The following ARID2 variants were observed in gnomAD, a reference collection of about 807,000 sequenced individuals.
ARID2 encodes the protein AT-rich interactive domain-containing protein 2.
In ARID2, 32 loss-of-function variants were observed where a neutral mutation model predicts 184.6. The observed-to-expected ratio is 0.17, with a 90% CI of 0.13 to 0.23. The LOEUF (loss-of-function observed/expected upper bound fraction) is 0.23, where lower values mean the gene tolerates loss of function less well. Among genes scored for constraint, ARID2 ranks in the 10% least tolerant of loss-of-function variants. The pLI is 1.00. For synonymous variants in ARID2, 836 were observed against 772.6 expected (o/e 1.08, Z -1.36); for missense variants, 1,696 against 2,197.6 (o/e 0.77, Z 4.56).
intron 3 of ARID2, among the ~76,000 whole-genome samples, chr12:45,758,145 T>G (rs1011179906): frequency 6.6e-6 from 1 of 152,184 alleles, no homozygotes; most frequent in Non-Finnish European, 1.5e-5. Context: ...ACTTTTTTCT[T>G]GAGAAAAATG....
At chr12:45,845,251 A>G (rs563827244) in intron 11 of ARID2, among the ~76,000 whole-genome samples, 2 of 152,292 alleles carry the variant, frequency 1.3e-5, no homozygotes, top group African/African-American at 2.4e-5. Context: ...TAGAGATGAT[A>G]AAGGGAGGAA....
intron 3 of ARID2, among the ~76,000 whole-genome samples, chr12:45,790,694 A>G (rs529620316): frequency 1.3e-5 from 2 of 152,332 alleles, no homozygotes; most frequent in Admixed American, 1.3e-4. Flanking sequence ...TACATGCGGA[A>G]TGCTACTGTT....
At chr12:45,904,880 AG>A in intron 20 of ARID2, 53 bp from the exon 21 acceptor site, 1 of 1,589,370 alleles carries the variant, frequency 6.3e-7, no homozygotes, top group Non-Finnish European at 8.6e-7. Flanking sequence ...TTCATGATAA[AG>A]AGTCATCGCT....
Position 45,852,042 on chromosome 12 carries a change from T to C in ARID2, c.3919T>C (p.Ser1307Pro). Residue 1307 changes from serine to proline, a missense_variant, in exon 15 of 21, where the codon TCA (serine) becomes CCA (proline). By Grantham distance (74) the Ser-to-Pro change is moderately conservative. Around this residue, in one of 11 missense-constraint regions of ARID2, gnomAD observed 428 missense variants for 409.1 expected, o/e 1.05. Coordinates refer to ENST00000334344, the MANE Select transcript of ARID2 (RefSeq NM_152641.4). Reference sequence around the variant, plus strand: ...GTACAGTGACTCAAGTCTACCTCCTTCAAACTCAGGGAAAATTCAAAGTGA... The same window carrying C: ...GTACAGTGACTCAAGTCTACCTCCTCCAAACTCAGGGAAAATTCAAAGTGA... ...RKYSDSSLPP[S>P]NSGKIQSETN... The C allele has an allele frequency of 6.2e-7, 1 of 1,614,088 alleles. No individual in the cohort carries two copies. The highest frequency in any genetic ancestry group is 8.5e-7 in the Non-Finnish European group (1 of 1,179,996).
rs1348928377 is a variant in ARID2 at position 45,731,272 on chromosome 12, G to A, written c.242G>A (p.Ser81Asn). The A allele has an allele frequency of 1.2e-6, 2 of 1,613,966 alleles. No individual in the cohort carries two copies. The highest frequency in any genetic ancestry group is 2.7e-5 in the African/African-American group (2 of 74,926). ...EIVEEFNFPR[S>N]CSNAAFALKQ... ...GTTGAAGAGTTCAACTTTCCCAGAA[G>A]TTGTTCTAACGCTGCCTTTGCTTTA... The change falls in exon 3 of 21, where the codon AGT becomes AAT. Residue 81 changes from serine (S) to asparagine (N), a missense_variant. By Grantham distance (46) the Ser-to-Asn change is conservative. Coordinates refer to ENST00000334344, the MANE Select transcript of ARID2 (RefSeq NM_152641.4).
intron 10 of ARID2, among the ~76,000 whole-genome samples, chr12:45,838,040 T>C (rs1943253129): frequency 6.6e-6 from 1 of 152,240 alleles, no homozygotes; most frequent in African/African-American, 2.4e-5. Flanking sequence ...CTATCAGTAA[T>C]TCCTATTTCT....
chr12:45,893,202 A>C (rs1458581269), intron 18 of ARID2, among the ~76,000 whole-genome samples: 1 of 152,238 alleles, frequency 6.6e-6, no homozygotes, highest in Non-Finnish European at 1.5e-5. Context: ...ATAGATTGGA[A>C]AATAAAAGAC....
At chr12:45,778,720 T>C (rs1430601802) in intron 3 of ARID2, among the ~76,000 whole-genome samples, 7 of 151,992 alleles carry the variant, frequency 4.6e-5, no homozygotes, top group Non-Finnish European at 7.4e-5. Flanking sequence ...TACATATTAA[T>C]TATACTTCAA....
chr12:45,811,302 T>C, intron 3 of ARID2, 116 bp from the exon 4 acceptor site: 1 of 1,154,644 alleles, frequency 8.7e-7, no homozygotes, highest in Non-Finnish European at 1.2e-6. Context: ...GTTTATGGTA[T>C]TTTTATTAAT....
rs749538203 is a variant in ARID2 at position 45,833,963 on chromosome 12, C to CT, written c.706-2623dup. On this transcript the variant is annotated intron_variant, in intron 6 of 20. Coordinates refer to ENST00000334344, the MANE Select transcript of ARID2 (RefSeq NM_152641.4). ...TGCTCTCATATTCTAGCCTCCTTAG[C>CT]TTTGCTGTGCTCTGTTCAGTGTTTT... 1.7e-4 allele frequency among the ~76,000 whole-genome samples: 26 copies of CT among 152,316 alleles called. 1 individual carries two copies. The highest frequency in any genetic ancestry group is 3.7e-4 in the Non-Finnish European group (25 of 68,014).
chr12:45,846,535 A>G (rs1367180007), intron 11 of ARID2, among the ~76,000 whole-genome samples: 3 of 152,144 alleles, frequency 2.0e-5, no homozygotes, highest in African/African-American at 7.2e-5. Flanking sequence ...GTAAGCAGAT[A>G]TTGTAAAGTA....
chr12:45,895,879 G>A (rs1250271777), intron 20 of ARID2, among the ~76,000 whole-genome samples: 2 of 152,142 alleles, frequency 1.3e-5, no homozygotes, highest in Non-Finnish European at 2.9e-5. Context: ...ATACTTAGGA[G>A]TTGTCTTAAC....
chr12:45,819,585 C>T (rs1046297790), intron 5 of ARID2, among the ~76,000 whole-genome samples: 10 of 152,076 alleles, frequency 6.6e-5, no homozygotes, highest in African/African-American at 2.4e-4. Flanking sequence ...ATAGATGCCA[C>T]TTCTTTTAGA....
intron 3 of ARID2, among the ~76,000 whole-genome samples, chr12:45,754,352 G>T (rs1406145977): frequency 6.6e-6 from 1 of 152,126 alleles, no homozygotes; most frequent in African/African-American, 2.4e-5. Flanking sequence ...CCATACCCTT[G>T]CACATCTTTT....
At chr12:45,843,983 G>A (rs988016668) in intron 11 of ARID2, among the ~76,000 whole-genome samples, 10 of 152,084 alleles carry the variant, frequency 6.6e-5, no homozygotes, top group Admixed American at 2.0e-4. Flanking sequence ...CCATGAGTTC[G>A]TAATCTGAAT....
intron 6 of ARID2, among the ~76,000 whole-genome samples, chr12:45,822,549 C>T (rs1167458682): frequency 1.3e-5 from 2 of 151,334 alleles, no homozygotes; most frequent in Non-Finnish European, 2.9e-5. Context: ...TAAAATCAAC[C>T]GATAAATCAA....
chr12:45,832,294 A>G (rs552570858), intron 6 of ARID2, among the ~76,000 whole-genome samples: 6 of 152,168 alleles, frequency 3.9e-5, no homozygotes, highest in South Asian at 4.2e-4. Context: ...GACTCTCACT[A>G]CTTTTAATAT....
intron 3 of ARID2, among the ~76,000 whole-genome samples, chr12:45,790,431 T>C (rs1942273742): frequency 6.6e-6 from 1 of 152,170 alleles, no homozygotes; most frequent in Non-Finnish European, 1.5e-5. Flanking sequence ...ACTGACACCT[T>C]TATAATATTA....
rs1365606759 is a variant in ARID2 at position 45,892,084 on chromosome 12, A to G, written c.5135A>G (p.Lys1712Arg). 6.2e-7 allele frequency: 1 copy of G among 1,613,900 alleles called. No homozygotes were observed. Among genetic ancestry groups the G allele is most frequent in the South Asian group, 1.1e-5 (1 of 91,034 alleles). ...QDEPGQAGSQKSSTKQPTVGG... is the reference protein window; with the variant it reads ...QDEPGQAGSQRSSTKQPTVGG... Reference sequence around the variant, plus strand: ...GAACCAGGACAAGCAGGAAGTCAGAAGTCTTCTACCAAGTAAGGAAAATGA... The same window carrying G: ...GAACCAGGACAAGCAGGAAGTCAGAGGTCTTCTACCAAGTAAGGAAAATGA... The change falls in exon 18 of 21, where the codon AAG becomes AGG. Residue 1712 changes from lysine to arginine, a missense_variant. Coordinates refer to ENST00000334344, the MANE Select transcript of ARID2 (RefSeq NM_152641.4).
Sources: allele counts gnomAD v4.1 joint callset (sites outside exome capture counted in the v4.1 genomes callset), GRCh38; gene constraint gnomAD v4.1.1; regional missense constraint gnomAD v4.1.1; transcripts MANE v1.5; gene names NCBI Gene and HGNC (gene_info 2026-07-23, HGNC 2026-07-21).